The following STX8 variants were observed in gnomAD, a reference collection of about 807,000 sequenced individuals.
STX8 encodes syntaxin 8, also known as syntaxin-8.
STX8 carries 23 observed loss-of-function variants against 37.5 expected under a neutral mutation model. The ratio of observed to expected loss-of-function variants is 0.61; its 90% CI spans 0.44 to 0.87. The LOEUF is 0.87. STX8 is among the 40% of genes least tolerant of loss of function. STX8 has a pLI of 0.00. For synonymous variants in STX8, 115 were observed against 99.1 expected (o/e 1.16, Z -0.95); for missense variants, 313 against 284.7 (o/e 1.10, Z -0.71).
At chr17:9,262,180 A>G (rs1907062129) in intron 7 of STX8, among the ~76,000 whole-genome samples, 1 of 152,194 alleles carries the variant, frequency 6.6e-6, no homozygotes, top group Non-Finnish European at 1.5e-5. Flanking sequence ...CCAACACGCA[A>G]AAGACTATGG....
intron 6 of STX8, among the ~76,000 whole-genome samples, chr17:9,394,737 T>C (rs890920459): frequency 4.0e-5 from 6 of 151,688 alleles, no homozygotes; most frequent in East Asian, 1.9e-4. Context: ...TGCTAAGCCA[T>C]TGTTTCTCAA....
intron 6 of STX8, among the ~76,000 whole-genome samples, chr17:9,474,952 A>C (rs1906038084): frequency 6.6e-6 from 1 of 152,178 alleles, no homozygotes; most frequent in African/African-American, 2.4e-5. Context: ...AGCCTGGGCG[A>C]CAGAGCAAGA....
intron 7 of STX8, among the ~76,000 whole-genome samples, chr17:9,279,913 C>T (rs1382971663): frequency 6.6e-6 from 1 of 152,248 alleles, no homozygotes; most frequent in African/African-American, 2.4e-5. Context: ...TAGATTCCAA[C>T]TCCTTTCTCA....
chr17:9,494,926 G>A (rs1178706906), intron 5 of STX8, among the ~76,000 whole-genome samples: 1 of 152,020 alleles, frequency 6.6e-6, no homozygotes, highest in Admixed American at 6.6e-5. Context: ...GGAACACGCC[G>A]CATGAAGGTA....
At chr17:9,543,454 G>A (rs1418777707) in intron 4 of STX8, among the ~76,000 whole-genome samples, 2 of 151,842 alleles carry the variant, frequency 1.3e-5, no homozygotes, top group Non-Finnish European at 2.9e-5. Context: ...CCACCACAAC[G>A]GCTACTTTTT....
At chr17:9,495,044 G>A (rs986014238) in intron 5 of STX8, among the ~76,000 whole-genome samples, 6 of 152,110 alleles carry the variant, frequency 3.9e-5, no homozygotes, top group Non-Finnish European at 5.9e-5. Flanking sequence ...ACTCGAGGTC[G>A]CATTAACATT....
intron 2 of STX8, among the ~76,000 whole-genome samples, chr17:9,565,732 G>T (rs1423237833): frequency 1.3e-5 from 2 of 152,060 alleles, no homozygotes; most frequent in Non-Finnish European, 1.5e-5. Context: ...TTCAATAAGT[G>T]GTGCTGGGAT....
chr17:9,464,117 G>A (rs1055044316), intron 6 of STX8, among the ~76,000 whole-genome samples: 4 of 152,138 alleles, frequency 2.6e-5, no homozygotes, highest in African/African-American at 9.7e-5. Context: ...TCATGAGATT[G>A]AAATATTCTT....
intron 5 of STX8, among the ~76,000 whole-genome samples, chr17:9,495,246 G>A (rs907284131): frequency 7.2e-5 from 11 of 152,074 alleles, no homozygotes; most frequent in African/African-American, 2.7e-4. Context: ...CCATTTTATA[G>A]TAAAATCACT....
At chr17:9,275,444 A>G (rs898624608) in intron 7 of STX8, among the ~76,000 whole-genome samples, 1 of 152,072 alleles carries the variant, frequency 6.6e-6, no homozygotes, top group Non-Finnish European at 1.5e-5. Context: ...ACCCTTACCT[A>G]TTTACATACA....
chr17:9,425,641 T>G (rs763769240), intron 6 of STX8, among the ~76,000 whole-genome samples: 1 of 152,138 alleles, frequency 6.6e-6, no homozygotes, highest in Non-Finnish European at 1.5e-5. Flanking sequence ...TGATCAAAAT[T>G]TCAATGTGTT....
intron 6 of STX8, among the ~76,000 whole-genome samples, chr17:9,380,063 A>G (rs1019766402): frequency 1.3e-5 from 2 of 152,156 alleles, no homozygotes; most frequent in African/African-American, 4.8e-5. Context: ...CATTTAAAAT[A>G]GCATATATAG....
intron 6 of STX8, among the ~76,000 whole-genome samples, chr17:9,483,132 G>C (rs1194479265): frequency 6.6e-6 from 1 of 152,004 alleles, no homozygotes; most frequent in Non-Finnish European, 1.5e-5. Flanking sequence ...ACTCCCTTTA[G>C]TTCTAGAGAT....
chr17:9,489,543 C>T (rs1340333591), intron 6 of STX8, among the ~76,000 whole-genome samples: 2 of 152,184 alleles, frequency 1.3e-5, no homozygotes, highest in Non-Finnish European at 2.9e-5. Context: ...GCAGACACTG[C>T]AGCTTACCTG....
chr17:9,571,507 G>A (rs960889613), intron 1 of STX8, among the ~76,000 whole-genome samples: 2 of 150,576 alleles, frequency 1.3e-5, no homozygotes, highest in African/African-American at 4.9e-5. Context: ...GCTGAGGCAG[G>A]AGAATCGCTG....
At chr17:9,279,055 T>C (rs1907784186) in intron 7 of STX8, among the ~76,000 whole-genome samples, 1 of 99,838 alleles carries the variant, frequency 1.0e-5, no homozygotes, top group African/African-American at 4.1e-5. Context: ...TGTGTGTGTG[T>C]TTTTTGTTTT....
chr17:9,464,399 C>T (rs1161669850), intron 6 of STX8, among the ~76,000 whole-genome samples: 1 of 152,174 alleles, frequency 6.6e-6, no homozygotes, highest in Non-Finnish European at 1.5e-5. Flanking sequence ...TAGGTATAAT[C>T]CTTAAAGTCT....
At chr17:9,351,835 T>C (rs775304954) in intron 7 of STX8, among the ~76,000 whole-genome samples, 4 of 152,026 alleles carry the variant, frequency 2.6e-5, no homozygotes, top group African/African-American at 7.2e-5. Context: ...ATAAATACAG[T>C]AGGTGATGTT....
intron 6 of STX8, among the ~76,000 whole-genome samples, chr17:9,491,033 C>A (rs1027777928): frequency 6.6e-5 from 10 of 152,202 alleles, no homozygotes; most frequent in Non-Finnish European, 1.5e-5. Context: ...CGCTGTCACA[C>A]GTCACCTCTA....
Sources: allele counts gnomAD v4.1 joint callset (sites outside exome capture counted in the v4.1 genomes callset), GRCh38; gene constraint gnomAD v4.1.1; transcripts MANE v1.5; gene names NCBI Gene and HGNC (gene_info 2026-07-23, HGNC 2026-07-21).